The following SLC26A7 variants were observed in gnomAD, a reference collection of about 807,000 sequenced individuals.
SLC26A7 encodes the protein anion exchange transporter.
Under a neutral mutation model 82.5 loss-of-function variants are expected in SLC26A7, and 59 were observed. That is an observed-to-expected ratio of 0.72 (90% CI 0.58 to 0.89). The LOEUF (loss-of-function observed/expected upper bound fraction) is 0.89. SLC26A7 is among the 40% of genes least tolerant of loss of function. The pLI, the probability that SLC26A7 is intolerant of heterozygous loss-of-function variation, is 0.00. For synonymous variants in SLC26A7, 271 were observed against 274.3 expected, an observed-to-expected ratio of 0.99 and a Z score of 0.12; for missense variants, 820 against 793.0, an observed-to-expected ratio of 1.03 and a Z score of -0.41.
At chr8:91,370,462 T>G (rs1222888885) in intron 15 of SLC26A7, among the ~76,000 whole-genome samples, 4 of 152,072 alleles carry the variant, frequency 2.6e-5, no homozygotes, top group Admixed American at 2.0e-4. Flanking sequence ...GGATTTATCA[T>G]GAAATATATC....
At chr8:91,305,077 CT>C (rs966252315) in intron 4 of SLC26A7, among the ~76,000 whole-genome samples, 2 of 152,272 alleles carry the variant, frequency 1.3e-5, no homozygotes, top group African/African-American at 4.8e-5. Flanking sequence ...CATTTCCCTC[CT>C]TTTCTAGACT....
chr8:91,213,313 T>C (rs978129650), intron 1 of SLC26A7, among the ~76,000 whole-genome samples: 1 of 152,124 alleles, frequency 6.6e-6, no homozygotes, highest in African/African-American at 2.4e-5. Context: ...GCCAAGATGC[T>C]TTTGAGAGTA....
chr8:91,270,038 G>C (rs1444961045), intron 2 of SLC26A7, among the ~76,000 whole-genome samples: 2 of 151,812 alleles, frequency 1.3e-5, no homozygotes, highest in African/African-American at 4.8e-5. Flanking sequence ...TCTTAAAAAA[G>C]TATTATTCTG....
At chr8:91,291,214 G>T (rs948424030) in intron 3 of SLC26A7, among the ~76,000 whole-genome samples, 1 of 152,006 alleles carries the variant, frequency 6.6e-6, no homozygotes, top group Admixed American at 6.6e-5. Context: ...TACATTGCAC[G>T]TGAAAAGAAA....
chr8:91,323,779 A>T (rs1472278693), intron 5 of SLC26A7, among the ~76,000 whole-genome samples: 13 of 151,374 alleles, frequency 8.6e-5, no homozygotes, highest in Non-Finnish European at 1.9e-4. Context: ...GCCTGTGGTT[A>T]ATATCCAACT....
chr8:91,297,152 C>T (rs886878379), intron 4 of SLC26A7, among the ~76,000 whole-genome samples: 2 of 151,872 alleles, frequency 1.3e-5, no homozygotes, highest in African/African-American at 2.4e-5. Flanking sequence ...GTTGGATATT[C>T]TCTTACTCTA....
chr8:91,246,483 G>GT (rs539256519), upstream of SLC26A7, among the ~76,000 whole-genome samples: 1,294 of 152,272 alleles, frequency 8.5e-3, 11 homozygotes, highest in South Asian at 0.02. Flanking sequence ...ACCAGGGAAA[G>GT]TTTCGTGGAA....
At chr8:91,355,329 A>C (rs1813832614) in intron 11 of SLC26A7, among the ~76,000 whole-genome samples, 4 of 152,128 alleles carry the variant, frequency 2.6e-5, no homozygotes. Flanking sequence ...GGAATTATTT[A>C]CAAATTTTTT....
rs377075291 is a variant in SLC26A7 at position 91,341,048 on chromosome 8, A to G, written c.1026+497A>G. On this transcript the variant is annotated intron_variant, in intron 8 of 18. Coordinates refer to ENST00000276609, the MANE Select transcript of SLC26A7 (RefSeq NM_052832.4). ...CATGTGCACATTGTGCAGGTTAGTTACATATGTATACATGTGCCATGCTGG... is the reference window on the plus strand; with the variant it reads ...CATGTGCACATTGTGCAGGTTAGTTGCATATGTATACATGTGCCATGCTGG... Among the ~76,000 whole-genome samples, 635 of 151,682 alleles carry G rather than the reference A, an allele frequency of 4.2e-3. 5 individuals are homozygous for G. Among genetic ancestry groups the G allele is most frequent in the African/African-American group, 0.013 (544 of 41,322 alleles).
At chr8:91,327,836 G>A (rs1478896802) in intron 5 of SLC26A7, among the ~76,000 whole-genome samples, 1 of 152,022 alleles carries the variant, frequency 6.6e-6, no homozygotes. Flanking sequence ...CTACTAAAGG[G>A]TTATGTGTTG....
rs1485179260 is a variant in SLC26A7, at chr8:91,353,873, A to G, written c.1314+877A>G. On this transcript the variant is annotated intron_variant, in intron 11 of 18. Coordinates refer to ENST00000276609, the MANE Select transcript of SLC26A7 (RefSeq NM_052832.4). The stretch of plus-strand genomic sequence containing the variant: ...AAAAAGAACTATCCAGTCTCTCTAG[A>G]CAGTTATTTGTGGAGGCAGTGGACA... Among the ~76,000 whole-genome samples, 3 of 152,156 alleles carry G rather than the reference A, an allele frequency of 2.0e-5. No individual in the cohort carries two copies. The East Asian group carries it at 5.8e-4, about 29-fold the overall frequency.
chr8:91,278,814 A>G (rs760723904), intron 2 of SLC26A7, among the ~76,000 whole-genome samples: 16 of 152,080 alleles, frequency 1.1e-4, no homozygotes, highest in Non-Finnish European at 1.8e-4. Context: ...GTTATTAACT[A>G]TAGTCATCAT....
At chr8:91,323,146 G>C (rs1206533214) in intron 5 of SLC26A7, among the ~76,000 whole-genome samples, 4 of 152,130 alleles carry the variant, frequency 2.6e-5, no homozygotes, top group African/African-American at 9.7e-5. Flanking sequence ...TTTCTCTGCA[G>C]ATATTGTGAC....
rs542758651 is a variant in SLC26A7 at position 91,337,978 on chromosome 8, G to A, written c.796-172G>A. ...GACTTGTCAGTGCTCTCAAAACTGA[G>A]GGACTTTTTGACTTTTAATATTTTA... is the stretch of plus-strand genomic sequence containing the variant. On this transcript the variant is annotated intron_variant, in intron 6 of 18. Coordinates refer to ENST00000276609, the MANE Select transcript of SLC26A7 (RefSeq NM_052832.4). 3.3e-5 allele frequency among the ~76,000 whole-genome samples: 5 copies of A among 152,264 alleles called. No homozygotes were observed. The South Asian group carries it at 8.3e-4, about 25-fold the overall frequency.
At chr8:91,321,907 T>C (rs1359132421) in intron 5 of SLC26A7, among the ~76,000 whole-genome samples, 1 of 101,460 alleles carries the variant, frequency 9.9e-6, no homozygotes, top group Non-Finnish European at 2.7e-5. Flanking sequence ...AGTTGTCTTG[T>C]CTGTTTTGTG....
chr8:91,362,802 C>A (rs1405437592), intron 12 of SLC26A7, among the ~76,000 whole-genome samples: 4 of 151,920 alleles, frequency 2.6e-5, no homozygotes, highest in Admixed American at 2.0e-4. Context: ...GATCACAAAC[C>A]ATTTCACAAT....
chr8:91,348,750 C>G (rs1813634962), intron 9 of SLC26A7, among the ~76,000 whole-genome samples: 1 of 151,718 alleles, frequency 6.6e-6, no homozygotes, highest in South Asian at 2.1e-4. Flanking sequence ...AAGCTCATCT[C>G]TTTTGTTCTG....
chr8:91,222,643 T>A (rs1810177022), intron 2 of SLC26A7, among the ~76,000 whole-genome samples: 1 of 152,262 alleles, frequency 6.6e-6, no homozygotes, highest in Non-Finnish European at 1.5e-5. Context: ...GTTCTGTTTA[T>A]GTGATGGATT....
chr8:91,347,293 T>G (rs918644255), intron 9 of SLC26A7, among the ~76,000 whole-genome samples: 2 of 152,216 alleles, frequency 1.3e-5, no homozygotes, highest in Non-Finnish European at 2.9e-5. Flanking sequence ...CTTAGGATCA[T>G]GCACTTCAGA....
Sources: gnomAD v4.1 joint callset for allele counts (sites outside exome capture counted in the v4.1 genomes callset) on GRCh38, gnomAD v4.1.1 for gene constraint, MANE v1.5 for transcripts, NCBI Gene and HGNC (gene_info 2026-07-23, HGNC 2026-07-21) for gene names.